Variants in SAE1 observed in about 807,000 individuals in gnomAD.
The protein encoded by SAE1 is SUMO-activating enzyme subunit 1.
Under a neutral mutation model 40.6 loss-of-function variants are expected in SAE1, and 11 were observed. That is an observed-to-expected ratio of 0.27 (90% confidence interval 0.17 to 0.45). SAE1 has a LOEUF of 0.45. Among genes scored for constraint, SAE1 ranks in the 20% least tolerant of loss-of-function variants. SAE1 has a pLI of 1.00. For missense variants in SAE1, 373 were observed against 427.3 expected, an observed-to-expected ratio of 0.87 and a Z score of 1.12; for synonymous variants, 155 against 154.3, an observed-to-expected ratio of 1.00 and a Z score of -0.03.
intron 6 of SAE1, among the ~76,000 whole-genome samples, chr19:47,185,404 A>C (rs904152094): frequency 2.0e-5 from 3 of 151,720 alleles, no homozygotes; most frequent in African/African-American, 7.3e-5. Context: ...TCCCAGGTTC[A>C]AGTGATTTTC....
intron 7 of SAE1, among the ~76,000 whole-genome samples, chr19:47,202,685 G>A (rs1225122090): frequency 6.6e-6 from 1 of 151,636 alleles, no homozygotes; most frequent in Non-Finnish European, 1.5e-5. Flanking sequence ...AGGCCGAGGC[G>A]GGCGGATCAC....
At chr19:47,182,464 A>AGTTGTGT (rs2058512819) in intron 6 of SAE1, among the ~76,000 whole-genome samples, 1 of 144,360 alleles carries the variant, frequency 6.9e-6, no homozygotes. Context: ...AAAAAAGCGT[A>AGTTGTGT]GTGTGTGTGT....
At position 47,169,853 on chromosome 19, in the gene SAE1, G is replaced by A; in HGVS notation, c.663G>A (p.Glu221=). Residue 221 remains glutamate (E), a synonymous_variant, in exon 6 of 9, where the codon GAG becomes GAA. Transcript: ENST00000270225. ...TCTGCCCTGTTAAAGAAGCCCTGGA[G>A]GTGGACTGGAGCAGTGAGAAAGCAA... ...VVFCPVKEAL[E]VDWSSEKAKA... is the part of the protein sequence containing the mutation. 1 of 1,614,176 alleles carries A rather than the reference G, an allele frequency of 6.2e-7. No individual in the cohort carries two copies. The highest frequency in any genetic ancestry group is 8.5e-7 in the Non-Finnish European group (1 of 1,180,008).
chr19:47,161,969 A>T (rs1370488906), intron 5 of SAE1, among the ~76,000 whole-genome samples: 1 of 152,206 alleles, frequency 6.6e-6, no homozygotes, highest in Non-Finnish European at 1.5e-5. Context: ...GCCACTAGCC[A>T]CAGCTGGCTG....
At chr19:47,157,422 C>T (rs2058331220) in intron 5 of SAE1, among the ~76,000 whole-genome samples, 1 of 152,206 alleles carries the variant, frequency 6.6e-6, no homozygotes, top group South Asian at 2.1e-4. Context: ...CACCCTCTTA[C>T]AAGTGTGACA....
At chr19:47,193,888 A>G (rs974669983) in intron 6 of SAE1, among the ~76,000 whole-genome samples, 1 of 151,988 alleles carries the variant, frequency 6.6e-6, no homozygotes, top group African/African-American at 2.4e-5. Context: ...TGATATGCAG[A>G]GCCCCGTCTA....
intron 6 of SAE1, among the ~76,000 whole-genome samples, chr19:47,191,228 T>C (rs1051975433): frequency 5.3e-5 from 8 of 151,872 alleles, no homozygotes; most frequent in Non-Finnish European, 1.2e-4. Flanking sequence ...CTGGCCAACA[T>C]AGTGAAGCCC....
chr19:47,162,733 G>A (rs943091145), intron 5 of SAE1, among the ~76,000 whole-genome samples: 3 of 152,280 alleles, frequency 2.0e-5, no homozygotes, highest in African/African-American at 7.2e-5. Context: ...GCTCATGCCT[G>A]TAATCCCAGC....
At chr19:47,186,547 T>G (rs1391949094) in intron 6 of SAE1, among the ~76,000 whole-genome samples, 1 of 152,164 alleles carries the variant, frequency 6.6e-6, no homozygotes, top group Non-Finnish European at 1.5e-5. Context: ...TCCCTCAGCC[T>G]TCTTGCTTGG....
At chr19:47,150,053 G>C in intron 2 of SAE1, 149 bp from the exon 3 acceptor site, 1 of 460,146 alleles carries the variant, frequency 2.2e-6, no homozygotes, top group East Asian at 3.9e-5. Flanking sequence ...ACTCCAGCCT[G>C]GTGACAGAGC....
chr19:47,150,724 GA>G (rs768566472), intron 3 of SAE1, among the ~76,000 whole-genome samples: 3 of 152,240 alleles, frequency 2.0e-5, no homozygotes, highest in Non-Finnish European at 4.4e-5. Flanking sequence ...GTTTTCTTCC[GA>G]AAACTTAACA....
chr19:47,139,133 G>A (rs1344249904), intron 1 of SAE1, among the ~76,000 whole-genome samples: 1 of 151,808 alleles, frequency 6.6e-6, no homozygotes. Flanking sequence ...TGTATTTTGA[G>A]TAGAGATGGA....
At chr19:47,164,384 G>A (rs774420217) in intron 5 of SAE1, among the ~76,000 whole-genome samples, 1 of 151,720 alleles carries the variant, frequency 6.6e-6, no homozygotes, top group Non-Finnish European at 1.5e-5. Flanking sequence ...AGCTAGGATG[G>A]TCTCCATCTG....
intron 8 of SAE1, among the ~76,000 whole-genome samples, chr19:47,208,365 TC>T (rs1164372585): frequency 6.6e-6 from 1 of 152,164 alleles, no homozygotes; most frequent in Non-Finnish European, 1.5e-5. Context: ...GCTCAAGCGA[TC>T]CTCCCACCTC....
intron 6 of SAE1, among the ~76,000 whole-genome samples, chr19:47,194,944 C>A (rs748531562): frequency 2.1e-4 from 32 of 151,176 alleles, no homozygotes; most frequent in Admixed American, 1.6e-3. Context: ...GGGGTTTCAC[C>A]ATGTTGGCCA....
At chr19:47,134,317 T>C (rs1600142595) in intron 1 of SAE1, among the ~76,000 whole-genome samples, 1 of 146,308 alleles carries the variant, frequency 6.8e-6, no homozygotes, top group Admixed American at 6.8e-5. Context: ...TTTGAGGGGG[T>C]GGGAGCTTTC....
intron 1 of SAE1, among the ~76,000 whole-genome samples, chr19:47,141,680 TG>T (rs1299632148): frequency 6.6e-6 from 1 of 152,000 alleles, no homozygotes; most frequent in Admixed American, 6.6e-5. Flanking sequence ...GAGGAAGAAA[TG>T]GTGCATTTTG....
At chr19:47,151,894 G>A (rs1192358372) in intron 3 of SAE1, among the ~76,000 whole-genome samples, 2 of 152,344 alleles carry the variant, frequency 1.3e-5, no homozygotes, top group East Asian at 1.9e-4. Context: ...CTTGCAGGCC[G>A]TGTTTGGCTG....
chr19:47,150,516 T>C, intron 3 of SAE1, 141 bp downstream of exon 3: 3 of 679,160 alleles, frequency 4.4e-6, no homozygotes, highest in South Asian at 4.0e-5. Context: ...TATAAGCTGT[T>C]CTATTGTTTA....
Sources: gnomAD v4.1 joint callset for allele counts (sites outside exome capture counted in the v4.1 genomes callset) on GRCh38, gnomAD v4.1.1 for gene constraint, MANE v1.5 for transcripts, NCBI Gene and HGNC (gene_info 2026-07-23, HGNC 2026-07-21) for gene names.